The following NLRC4 variants were observed in gnomAD, a reference collection of about 807,000 sequenced individuals.
NLRC4 encodes the protein NLR family CARD domain containing 4, also known as NLR family CARD domain-containing protein 4.
NLRC4 carries 63 observed loss-of-function variants against 79.9 expected under a neutral mutation model. The ratio of observed to expected loss-of-function variants is 0.79; its 90% confidence interval spans 0.64 to 0.97. The LOEUF is 0.97. Among genes scored for constraint, NLRC4 ranks in the 50% least tolerant of loss-of-function variants. The pLI is 0.00. For synonymous variants in NLRC4, 461 were observed against 456.5 expected (o/e 1.01, Z -0.12); for missense variants, 1,074 against 1,215.2 (o/e 0.88, Z 1.73).
intron 2 of NLRC4, among the ~76,000 whole-genome samples, chr2:32,253,719 C>A (rs1388252185): frequency 6.6e-6 from 1 of 151,870 alleles, no homozygotes; most frequent in Admixed American, 6.6e-5. Flanking sequence ...AACCCCAGCA[C>A]TTTGGGAGGC....
intron 4 of NLRC4, among the ~76,000 whole-genome samples, chr2:32,245,390 A>G (rs1031115052): frequency 2.6e-5 from 4 of 151,932 alleles, no homozygotes; most frequent in African/African-American, 7.3e-5. Flanking sequence ...AAAGACAGAC[A>G]TCACGTGTTC....
intron 8 of NLRC4, among the ~76,000 whole-genome samples, chr2:32,227,225 C>T (rs1040340579): frequency 2.6e-5 from 4 of 152,088 alleles, no homozygotes; most frequent in Non-Finnish European, 4.4e-5. Flanking sequence ...GAAAACCACC[C>T]CACCTGCCTG....
In NLRC4 at chr2:32,238,221, A is replaced by G; in HGVS notation, c.2432T>C (p.Ile811Thr). The stretch of plus-strand genomic sequence containing the variant: ...GGGTTCACTTGACAGAGACTTGACT[A>G]TGTAATCCATTCCCTCTCCAATGTC... Reference protein sequence around the residue: ...LSDIGEGMDYIVKSLSSEPCD... With the variant: ...LSDIGEGMDYTVKSLSSEPCD... Residue 811 changes from isoleucine to threonine, a missense_variant, in exon 6 of 9, where the codon ATA (isoleucine) becomes ACA (threonine). Ile to Thr is a moderately conservative substitution (Grantham distance 89, BLOSUM62 -1). Transcript: ENST00000402280. 7 of 1,613,584 alleles carry G rather than the reference A, an allele frequency of 4.3e-6. No individual in the cohort carries two copies. The highest frequency in any genetic ancestry group is 4.2e-6 in the Non-Finnish European group (5 of 1,179,546).
chr2:32,242,963 G>A (rs1019729719), intron 4 of NLRC4, among the ~76,000 whole-genome samples: 6 of 152,014 alleles, frequency 3.9e-5, no homozygotes, highest in Admixed American at 2.6e-4. Flanking sequence ...CAAGAGAATC[G>A]CTTGAGCCCA....
chr2:32,261,330 T>TTTTTTTTTTTTTTTTTTTTTTTTTTC (rs1287944639), intron 1 of NLRC4, among the ~76,000 whole-genome samples: 1 of 122,550 alleles, frequency 8.2e-6, no homozygotes, highest in Non-Finnish European at 1.7e-5. Flanking sequence ...TGTTTTTTTT[T>TTTTTTTTTTTTTTTTTTTTTTTTTTC]GAGATGGAGC....
At chr2:32,234,552 T>C (rs1410066971) in intron 8 of NLRC4, among the ~76,000 whole-genome samples, 1 of 152,240 alleles carries the variant, frequency 6.6e-6, no homozygotes, top group East Asian at 1.9e-4. Flanking sequence ...CCTGACCTCC[T>C]TGTATTAATG....
chr2:32,241,046 ATCTTCTTCATTCATCTTTATGT>A lies in NLRC4; in HGVS notation c.2315_2336del (p.Asn772MetfsTer3). 1 of 1,593,780 alleles carries A rather than the reference ATCTTCTTCATTCATCTTTATGT, an allele frequency of 6.3e-7. No individual in the cohort carries two copies. The highest frequency in any genetic ancestry group is 8.6e-7 in the Non-Finnish European group (1 of 1,162,324). On this transcript the variant is annotated frameshift_variant, in exon 5 of 9. Transcript: ENST00000402280. LOFTEE classifies it high-confidence loss of function. ...CAGAAATCTGACCTAGTTTTATAGC[ATCTTCTTCATTCATCTTTATGT>A]TATCCATTATGAGCTTTGTAAGGTT...
intron 5 of NLRC4, 144 bp downstream of exon 5, chr2:32,240,889 G>C: frequency 1.7e-6 from 1 of 584,708 alleles, no homozygotes. Flanking sequence ...ATGGCAGTAG[G>C]GAAAATGTCT....
rs532190673 is a variant in NLRC4 at position 32,254,147 on chromosome 2, A to T, written c.2-1468T>A. ...CTAACAAAAATCCTGAAAATTCAAT[A>T]ATCAGGTTTCACATCACAGTAACAA... is the stretch of plus-strand genomic sequence containing the variant. On this transcript the variant is annotated intron_variant, in intron 2 of 8. Transcript: ENST00000402280. Among the ~76,000 whole-genome samples the T allele has an allele frequency of 2.0e-3, 311 of 152,010 alleles. 1 individual carries two copies. The highest frequency in any genetic ancestry group is 1.2e-3 in the Non-Finnish European group (85 of 68,014).
chr2:32,230,101 G>C, intron 8 of NLRC4, among the ~76,000 whole-genome samples: 1 of 152,136 alleles, frequency 6.6e-6, no homozygotes, highest in East Asian at 1.9e-4. Context: ...ACTGGAGTGA[G>C]GGTGAGGCTG....
intron 8 of NLRC4, among the ~76,000 whole-genome samples, chr2:32,228,398 C>G (rs570741971): frequency 4.6e-5 from 7 of 152,280 alleles, no homozygotes; most frequent in East Asian, 1.9e-4. Flanking sequence ...GTTAGCCTGT[C>G]AAAAATTCAC....
intron 6 of NLRC4, 129 bp from the exon 7 acceptor site, chr2:32,236,468 G>T: frequency 4.8e-6 from 3 of 626,024 alleles, no homozygotes; most frequent in Non-Finnish European, 5.5e-6. Flanking sequence ...ACTTGCCTTG[G>T]TTATTTTAAT....
At position 32,251,344 on chromosome 2, in the gene NLRC4, C is replaced by A; in HGVS notation, c.520G>T (p.Gly174Cys). ...PCIIEGESGK[G>C]KSTLLQRIAM... ...ATTCGCTGCAGCAGAGTGGACTTGC[C>A]TTTGCCAGATTCCCCTTCAATGATG... is the stretch of plus-strand genomic sequence containing the variant. Residue 174 changes from glycine to cysteine, a missense_variant, in exon 4 of 9, where the codon GGC becomes TGC. Coordinates refer to ENST00000402280, the MANE Select transcript of NLRC4 (RefSeq NM_001199138.2). 6.2e-7 allele frequency: 1 copy of A among 1,614,136 alleles called. No homozygotes were observed. The highest frequency in any genetic ancestry group is 8.5e-7 in the Non-Finnish European group (1 of 1,180,024).
intron 4 of NLRC4, among the ~76,000 whole-genome samples, 155 bp downstream of exon 4, chr2:32,249,452 T>G (rs555695725): frequency 1.1e-4 from 17 of 152,334 alleles, no homozygotes; most frequent in Middle Eastern, 3.4e-3. Context: ...CTGTCTCTGG[T>G]CTTGGTTGGA....
chr2:32,251,368 T>C lies in NLRC4; in HGVS notation c.496A>G (p.Ile166Val). The C allele has an allele frequency of 6.2e-7, 1 of 1,614,152 alleles. No homozygotes were observed. The highest frequency in any genetic ancestry group is 2.2e-5 in the East Asian group (1 of 44,866). The change falls in exon 4 of 9, where the codon ATC becomes GTC. Residue 166 changes from isoleucine (I) to valine (V), a missense_variant. Coordinates refer to ENST00000402280, the MANE Select transcript of NLRC4 (RefSeq NM_001199138.2). ...CCTTTGCCAGATTCCCCTTCAATGA[T>C]GCAGGGGCTCTGAAGAGCCTGCAGG... is the stretch of plus-strand genomic sequence containing the variant. ...GLLQALQSPC[I>V]IEGESGKGKS...
intron 2 of NLRC4, among the ~76,000 whole-genome samples, chr2:32,254,872 C>T (rs1216940456): frequency 6.6e-6 from 1 of 151,836 alleles, no homozygotes; most frequent in Non-Finnish European, 1.5e-5. Flanking sequence ...CCCGTCTCAG[C>T]TTCCCAAAGT....
chr2:32,251,531 G>A lies in NLRC4; in HGVS notation c.333C>T (p.Thr111=), dbSNP rs747791260. 6.2e-7 allele frequency: 1 copy of A among 1,613,850 alleles called. No homozygotes were observed. The highest frequency in any genetic ancestry group is 8.5e-7 in the Non-Finnish European group (1 of 1,179,762). The change falls in exon 4 of 9, where the codon ACC becomes ACT. Residue 111 remains threonine (T), a synonymous_variant. Coordinates refer to ENST00000402280, the MANE Select transcript of NLRC4 (RefSeq NM_001199138.2). ...LAQDLKDLYH[T]PSFLNFYPLG... ...GGGGATAAAAGTTCAGAAAAGATGG[G>A]GTATGGTACAAGTCCTTTAAATCCT...
chr2:32,254,598 G>A (rs995918692), intron 2 of NLRC4, among the ~76,000 whole-genome samples: 2 of 149,842 alleles, frequency 1.3e-5, no homozygotes, highest in Admixed American at 6.7e-5. Context: ...TTCTTCCTGG[G>A]CTAGGCTGCT....
In NLRC4 at chr2:32,238,314, T is replaced by TA; in HGVS notation, c.2351-13dup. The stretch of plus-strand genomic sequence containing the variant: ...TTTCAGGCCTTCAGCTGAAAAATGA[T>TA]AGAAAGGAATGCATTAGGATACCAA... On this transcript the variant is annotated splice_polypyrimidine_tract_variant and intron_variant, in intron 5 of 8. Transcript: ENST00000402280. 1 of 1,604,446 alleles carries TA rather than the reference T, an allele frequency of 6.2e-7. No individual in the cohort carries two copies. Among genetic ancestry groups the TA allele is most frequent in the Non-Finnish European group, 8.5e-7 (1 of 1,174,928 alleles).
Sources: gnomAD v4.1 joint callset for allele counts (sites outside exome capture counted in the v4.1 genomes callset) on GRCh38, gnomAD v4.1.1 for gene constraint, MANE v1.5 for transcripts, NCBI Gene and HGNC (gene_info 2026-07-23, HGNC 2026-07-21) for gene names.